ANKS1B: variants seen among roughly 807,000 people sequenced by gnomAD.
ANKS1B encodes ankyrin repeat and sterile alpha motif domain-containing protein 1B.
A neutral mutation model predicts 148.3 loss-of-function variants in ANKS1B; 36 were observed. The observed-to-expected ratio is 0.24, with a 90% CI of 0.19 to 0.32. The LOEUF is 0.32. Ranked by LOEUF, ANKS1B falls within the 10% of genes least tolerant of loss-of-function variation. The pLI is 1.00. For synonymous variants in ANKS1B, 542 were observed against 560.8 expected, an observed-to-expected ratio of 0.97 and a Z score of 0.47; for missense variants, 1,157 against 1,542.6, an observed-to-expected ratio of 0.75 and a Z score of 4.19.
chr12:99,286,263 G>A (rs555736968), intron 12 of ANKS1B, among the ~76,000 whole-genome samples: 5 of 151,750 alleles, frequency 3.3e-5, no homozygotes, highest in Non-Finnish European at 7.4e-5. Flanking sequence ...CTCATTCCAG[G>A]TCCTGGTTCC....
At chr12:99,517,574 A>AT (rs1249716965) in intron 9 of ANKS1B, among the ~76,000 whole-genome samples, 1 of 151,772 alleles carries the variant, frequency 6.6e-6, no homozygotes, top group Non-Finnish European at 1.5e-5. Flanking sequence ...AAAAAAAAAA[A>AT]AAAAATTAGC....
At chr12:98,781,417 A>T in intron 23 of ANKS1B, 2 of 640,474 alleles carry the variant, frequency 3.1e-6, no homozygotes, top group Non-Finnish European at 5.8e-6. Flanking sequence ...CTTCGGGCTT[A>T]TAAAGTTATC....
intron 1 of ANKS1B, among the ~76,000 whole-genome samples, chr12:99,869,885 A>C (rs560265697): frequency 5.3e-5 from 8 of 152,340 alleles, no homozygotes; most frequent in Admixed American, 3.9e-4. Flanking sequence ...CATGACCTTT[A>C]TATAAGCAAA....
At chr12:99,411,893 G>T (rs796951286) in intron 11 of ANKS1B, among the ~76,000 whole-genome samples, 1 of 152,006 alleles carries the variant, frequency 6.6e-6, no homozygotes, top group East Asian at 1.9e-4. Context: ...ACAGTTCATT[G>T]TCCTAAAGAA....
chr12:99,956,667 T>C (rs1465847762), intron 1 of ANKS1B, among the ~76,000 whole-genome samples: 2 of 152,158 alleles, frequency 1.3e-5, no homozygotes, highest in Non-Finnish European at 2.9e-5. Flanking sequence ...TCTCCAGATG[T>C]TTACAGCCAG....
At chr12:99,698,895 T>C (rs1387528716) in intron 8 of ANKS1B, among the ~76,000 whole-genome samples, 1 of 152,172 alleles carries the variant, frequency 6.6e-6, no homozygotes, top group Non-Finnish European at 1.5e-5. Flanking sequence ...ACTCTGCCCA[T>C]GGTTTTCTTT....
intron 20 of ANKS1B, among the ~76,000 whole-genome samples, chr12:98,804,686 G>A (rs1216539374): frequency 6.6e-6 from 1 of 152,130 alleles, no homozygotes; most frequent in Non-Finnish European, 1.5e-5. Context: ...CAGCAGGAAT[G>A]AGCTATGGAG....
chr12:98,780,847 G>A (rs772499773), intron 24 of ANKS1B, among the ~76,000 whole-genome samples: 12 of 152,152 alleles, frequency 7.9e-5, no homozygotes, highest in Non-Finnish European at 1.0e-4. Flanking sequence ...CAGTCTATTA[G>A]AGAAAGCATC....
chr12:99,708,490 T>C lies in ANKS1B; in HGVS notation c.1129-53280A>G, dbSNP rs114571204. 3.9e-3 allele frequency among the ~76,000 whole-genome samples: 595 copies of C among 152,250 alleles called. 9 individuals carry two copies. The highest frequency in any genetic ancestry group is 0.014 in the African/African-American group (566 of 41,564). ...AAAAGTCAGTTTCACTGGGCTAAAG[T>C]CAAGGTGCCACAAGGGCTGCCTCCT... On this transcript the variant is annotated intron_variant, in intron 8 of 26. Transcript: ENST00000683438.
At chr12:98,770,714 T>C (rs1219659477) in intron 25 of ANKS1B, among the ~76,000 whole-genome samples, 1 of 152,200 alleles carries the variant, frequency 6.6e-6, no homozygotes, top group East Asian at 1.9e-4. Context: ...ACAAATGCTC[T>C]GAGCATGAAC....
chr12:99,196,603 TTTG>T (rs1162688579), intron 14 of ANKS1B, among the ~76,000 whole-genome samples: 1 of 152,034 alleles, frequency 6.6e-6, no homozygotes, highest in Non-Finnish European at 1.5e-5. Context: ...TTTGTTTGTT[TTTG>T]TTTTTTTTCT....
At chr12:99,076,788 G>T (rs891598158) in intron 16 of ANKS1B, among the ~76,000 whole-genome samples, 1 of 152,116 alleles carries the variant, frequency 6.6e-6, no homozygotes, top group African/African-American at 2.4e-5. Context: ...TAAGTTACGG[G>T]TCAGTAAACT....
chr12:99,753,108 T>C (rs1301343255), intron 8 of ANKS1B, among the ~76,000 whole-genome samples: 1 of 152,090 alleles, frequency 6.6e-6, no homozygotes, highest in East Asian at 1.9e-4. Flanking sequence ...AATTCTGGAA[T>C]TTCCAATTAA....
intron 16 of ANKS1B, among the ~76,000 whole-genome samples, chr12:99,058,096 C>T (rs2040897245): frequency 6.6e-6 from 1 of 152,086 alleles, no homozygotes; most frequent in East Asian, 1.9e-4. Context: ...GAATATAAAT[C>T]AGACCTTTTA....
At position 99,085,029 on chromosome 12, in the gene ANKS1B, A is replaced by G; in HGVS notation, c.2527-6T>C. ...TCTTCCATAACATTGCTTCCCTGAA[A>G]CAAAACAGAAATGTTACAAGTTAAA... On this transcript the variant is annotated splice_polypyrimidine_tract_variant and splice_region_variant and intron_variant, in intron 15 of 26. Coordinates refer to ENST00000683438, the MANE Select transcript of ANKS1B (RefSeq NM_001352186.2). The G allele has an allele frequency of 6.3e-7, 1 of 1,594,124 alleles. No individual in the cohort carries two copies. The highest frequency in any genetic ancestry group is 8.6e-7 in the Non-Finnish European group (1 of 1,167,008).
intron 9 of ANKS1B, among the ~76,000 whole-genome samples, chr12:99,552,988 T>C (rs769339507): frequency 2.6e-4 from 39 of 152,206 alleles, no homozygotes; most frequent in Non-Finnish European, 1.9e-4. Context: ...GATGAATCCA[T>C]GAATGCAGAA....
At chr12:99,095,734 G>T (rs1024046690) in intron 15 of ANKS1B, among the ~76,000 whole-genome samples, 3 of 152,158 alleles carry the variant, frequency 2.0e-5, no homozygotes, top group African/African-American at 4.8e-5. Context: ...GCAGACAGGG[G>T]TATGATAACA....
intron 1 of ANKS1B, among the ~76,000 whole-genome samples, chr12:99,931,143 A>C (rs1019621861): frequency 6.6e-6 from 1 of 152,162 alleles, no homozygotes; most frequent in Non-Finnish European, 1.5e-5. Context: ...TTGAACAATG[A>C]GAACACACGG....
chr12:99,301,824 TA>T (rs562634744), intron 12 of ANKS1B, among the ~76,000 whole-genome samples: 1 of 152,062 alleles, frequency 6.6e-6, no homozygotes, highest in African/African-American at 2.4e-5. Context: ...CAGTGTTATA[TA>T]AAAAAAGGCA....
Sources: gnomAD v4.1 joint callset for allele counts (sites outside exome capture counted in the v4.1 genomes callset) on GRCh38, gnomAD v4.1.1 for gene constraint, MANE v1.5 for transcripts, NCBI Gene and HGNC (gene_info 2026-07-23, HGNC 2026-07-21) for gene names.